Variants in PLSCR2 observed in about 807,000 individuals in gnomAD.
PLSCR2 encodes the protein phospholipid scramblase 2, also known as PL scramblase 2.
A neutral mutation model predicts 25.3 loss-of-function variants in PLSCR2; 18 were observed. That is an observed-to-expected ratio of 0.71 (90% confidence interval 0.49 to 1.06). PLSCR2 has a LOEUF of 1.06. Ranked by LOEUF, PLSCR2 falls within the 50% of genes least tolerant of loss-of-function variation. PLSCR2 has a pLI of 0.00. For missense variants in PLSCR2, 243 were observed against 269.5 expected (o/e 0.90, Z 0.69); for synonymous variants, 88 against 87.3 (o/e 1.01, Z -0.04).
intron 1 of PLSCR2, among the ~76,000 whole-genome samples, chr3:146,483,442 TA>T (rs2043206354): frequency 4.7e-5 from 3 of 64,290 alleles, no homozygotes; most frequent in African/African-American, 2.0e-4. Context: ...TATATATATA[TA>T]CACATGTATG....
chr3:146,412,651 A>G (rs1015633439), intron 2 of PLSCR2, among the ~76,000 whole-genome samples: 6 of 152,166 alleles, frequency 3.9e-5, no homozygotes, highest in Non-Finnish European at 8.8e-5. Context: ...TTTTACTTCT[A>G]TAGAAGGGTG....
intron 2 of PLSCR2, among the ~76,000 whole-genome samples, chr3:146,420,269 G>A (rs1210218990): frequency 1.3e-5 from 2 of 151,932 alleles, no homozygotes; most frequent in African/African-American, 2.4e-5. Flanking sequence ...AACATATGTA[G>A]GGAGACTATT....
At chr3:146,426,712 A>G (rs2039367394) in intron 2 of PLSCR2, among the ~76,000 whole-genome samples, 1 of 152,228 alleles carries the variant, frequency 6.6e-6, no homozygotes, top group Non-Finnish European at 1.5e-5. Context: ...TTAAAGATTA[A>G]TTTAAAAATA....
intron 6 of PLSCR2, among the ~76,000 whole-genome samples, chr3:146,442,640 C>A (rs1266330336): frequency 6.6e-6 from 1 of 151,910 alleles, no homozygotes; most frequent in Non-Finnish European, 1.5e-5. Flanking sequence ...GGAAGGAAAG[C>A]ACAGAAATAA....
At chr3:146,470,727 G>A (rs2042085271) in intron 1 of PLSCR2, among the ~76,000 whole-genome samples, 1 of 152,164 alleles carries the variant, frequency 6.6e-6, no homozygotes, top group Non-Finnish European at 1.5e-5. Flanking sequence ...GGGAATGGAA[G>A]GGAGGAAGGT....
At chr3:146,454,974 GC>G (rs1206920070) in intron 4 of PLSCR2, among the ~76,000 whole-genome samples, 2 of 152,040 alleles carry the variant, frequency 1.3e-5, no homozygotes, top group Admixed American at 6.6e-5. Context: ...TGAAAAAGGT[GC>G]CCTGTCTGAC....
At chr3:146,463,700 T>G (rs1385494437), upstream of PLSCR2, 1 of 200,758 alleles carries the variant, frequency 5.0e-6, no homozygotes, top group African/African-American at 2.4e-5. Context: ...CTCCCACTTC[T>G]CAGGCCCACT....
chr3:146,483,299 G>A (rs1340178002), intron 1 of PLSCR2, among the ~76,000 whole-genome samples: 1 of 144,106 alleles, frequency 6.9e-6, no homozygotes, highest in Non-Finnish European at 1.5e-5. Context: ...GGGGGCTGGG[G>A]GAGGGATAGC....
At chr3:146,404,714 A>G (rs967617136) in intron 2 of PLSCR2, among the ~76,000 whole-genome samples, 5 of 151,334 alleles carry the variant, frequency 3.3e-5, no homozygotes, top group African/African-American at 1.2e-4. Context: ...ATTCCTTTCC[A>G]GCTACTACCC....
chr3:146,461,573 G>A (rs1039792761), upstream of PLSCR2, among the ~76,000 whole-genome samples: 8 of 152,154 alleles, frequency 5.3e-5, no homozygotes, highest in African/African-American at 1.7e-4. Context: ...AGTTACTTTA[G>A]ATGGATATAA....
exon 9 of PLSCR2, chr3:146,433,372 C>T (rs766300308): frequency 4.6e-5 from 7 of 151,964 alleles, no homozygotes; most frequent in South Asian, 4.2e-4. Flanking sequence ...ATATTCAATG[C>T]GAAATGTTTA....
At chr3:146,439,512 A>C (rs151192852), downstream of PLSCR2, among the ~76,000 whole-genome samples, 1,040 of 151,780 alleles carry the variant, frequency 6.9e-3, 8 homozygotes, top group South Asian at 0.018. Context: ...TTCTCTCTTC[A>C]TTTCATTCAT....
chr3:146,483,761 A>G (rs2043244027), intron 1 of PLSCR2, among the ~76,000 whole-genome samples: 1 of 151,470 alleles, frequency 6.6e-6, no homozygotes, highest in South Asian at 2.1e-4. Context: ...ACAAAAAAAT[A>G]CCCACAAAAC....
upstream of PLSCR2, among the ~76,000 whole-genome samples, chr3:146,461,607 A>T (rs2041577765): frequency 6.6e-6 from 1 of 152,208 alleles, no homozygotes; most frequent in African/African-American, 2.4e-5. Context: ...CGAAAAGATG[A>T]GAAGGGGAAA....
chr3:146,420,575 T>C (rs1192495678), intron 2 of PLSCR2, among the ~76,000 whole-genome samples: 1 of 152,090 alleles, frequency 6.6e-6, no homozygotes, highest in Non-Finnish European at 1.5e-5. Flanking sequence ...TTCAATTGTT[T>C]TCTCAAAGAA....
chr3:146,441,765 C>A (rs779848094), exon 7 of PLSCR2: 2 of 1,542,428 alleles, frequency 1.3e-6, no homozygotes, highest in African/African-American at 1.4e-5. Flanking sequence ...TACATTAATC[C>A]ACTCCCACAC....
intron 1 of PLSCR2, among the ~76,000 whole-genome samples, chr3:146,478,285 C>A (rs939458316): frequency 1.3e-5 from 2 of 152,126 alleles, no homozygotes; most frequent in Non-Finnish European, 2.9e-5. Flanking sequence ...TAATAACAAA[C>A]TTCTCTGAGC....
At chr3:146,432,099 T>C (rs543945044), downstream of PLSCR2, among the ~76,000 whole-genome samples, 20 of 152,190 alleles carry the variant, frequency 1.3e-4, no homozygotes, top group African/African-American at 4.8e-4. Context: ...GAAAATAAAT[T>C]GAAACTGTGT....
chr3:146,447,009 C>A (rs139209887), intron 6 of PLSCR2, among the ~76,000 whole-genome samples: 1 of 152,214 alleles, frequency 6.6e-6, no homozygotes, highest in East Asian at 1.9e-4. Context: ...CTTATGTTCA[C>A]TGATGTTCAC....
Sources: allele counts gnomAD v4.1 joint callset (sites outside exome capture counted in the v4.1 genomes callset), GRCh38; gene constraint gnomAD v4.1.1; transcripts MANE v1.5; gene names NCBI Gene and HGNC (gene_info 2026-07-23, HGNC 2026-07-21).